Variants in ZNF704 observed in about 807,000 individuals in gnomAD.
ZNF704 encodes the protein zinc finger protein 704.
Under a neutral mutation model 44.7 loss-of-function variants are expected in ZNF704, and 10 were observed. That is an observed-to-expected ratio of 0.22 (90% CI 0.14 to 0.38). The LOEUF (loss-of-function observed/expected upper bound fraction) is 0.38. Among genes scored for constraint, ZNF704 ranks in the 10% least tolerant of loss-of-function variants. The pLI is 1.00. For missense variants in ZNF704, 390 were observed against 545.5 expected (o/e 0.71, Z 2.84); for synonymous variants, 211 against 207.6 (o/e 1.02, Z -0.14).
chr8:80,869,550 G>C (rs1287346182), intron 1 of ZNF704, among the ~76,000 whole-genome samples: 1 of 152,104 alleles, frequency 6.6e-6, no homozygotes, highest in Non-Finnish European at 1.5e-5. Flanking sequence ...GTTCCCAAAG[G>C]CCAGCCCTTT....
At chr8:80,841,288 G>C (rs1024835106) in intron 1 of ZNF704, among the ~76,000 whole-genome samples, 9 of 152,170 alleles carry the variant, frequency 5.9e-5, no homozygotes, top group Non-Finnish European at 7.3e-5. Context: ...TCTAGCTACA[G>C]GGCATTCTAG....
At chr8:80,714,855 T>C (rs975313540) in intron 2 of ZNF704, among the ~76,000 whole-genome samples, 7 of 152,176 alleles carry the variant, frequency 4.6e-5, no homozygotes, top group African/African-American at 1.4e-4. Flanking sequence ...AATATTTTGT[T>C]TGGCACAAAA....
intron 1 of ZNF704, among the ~76,000 whole-genome samples, chr8:80,869,767 G>A (rs767400419): frequency 1.3e-5 from 2 of 152,194 alleles, no homozygotes; most frequent in Non-Finnish European, 2.9e-5. Flanking sequence ...CCAAGTTTCT[G>A]GCCTATTCCT....
At chr8:80,709,524 G>A (rs1818951631) in intron 2 of ZNF704, among the ~76,000 whole-genome samples, 1 of 150,132 alleles carries the variant, frequency 6.7e-6, no homozygotes. Context: ...CACCAAGACA[G>A]GATCAGTTCT....
chr8:80,757,140 T>C (rs1000334616), intron 2 of ZNF704, among the ~76,000 whole-genome samples: 2 of 152,182 alleles, frequency 1.3e-5, no homozygotes, highest in Non-Finnish European at 2.9e-5. Context: ...CTGAGGCAGG[T>C]CCTTTAGAGG....
In ZNF704 at chr8:80,794,165, T is replaced by C. The variant is rs952275233; in HGVS notation, c.221+27209A>G. Among the ~76,000 whole-genome samples the C allele has an allele frequency of 2.0e-5, 3 of 152,214 alleles. No individual in the cohort carries two copies. The East Asian group carries it at 5.8e-4, about 29-fold the overall frequency. ...GCAATGAAACTATGAATAAACGAGA[T>C]GTATATATAACCATAGAGGAAGAGA... On this transcript the variant is annotated intron_variant, in intron 2 of 8. Coordinates refer to ENST00000327835, the MANE Select transcript of ZNF704 (RefSeq NM_001033723.3).
At chr8:80,831,790 T>C (rs2129928925) in intron 1 of ZNF704, among the ~76,000 whole-genome samples, 1 of 152,276 alleles carries the variant, frequency 6.6e-6, no homozygotes, top group Middle Eastern at 3.4e-3. Flanking sequence ...GAACACAACA[T>C]AGGTAAGAAA....
chr8:80,811,603 G>A (rs996961767), intron 2 of ZNF704, among the ~76,000 whole-genome samples: 6 of 152,120 alleles, frequency 3.9e-5, no homozygotes, highest in African/African-American at 7.2e-5. Flanking sequence ...AGTGGCTATC[G>A]AAAATACCAC....
At chr8:80,808,849 C>T (rs1421856388) in intron 2 of ZNF704, among the ~76,000 whole-genome samples, 1 of 152,196 alleles carries the variant, frequency 6.6e-6, no homozygotes, top group East Asian at 1.9e-4. Flanking sequence ...TCACAGTCAC[C>T]AGTGTTCAAG....
intron 6 of ZNF704, among the ~76,000 whole-genome samples, chr8:80,663,920 G>T (rs1818143179): frequency 6.6e-6 from 1 of 150,788 alleles, no homozygotes; most frequent in Non-Finnish European, 1.5e-5. Context: ...TGTAGATATG[G>T]GGGTCTCACC....
chr8:80,762,300 T>G (rs1255278871), intron 2 of ZNF704, among the ~76,000 whole-genome samples: 1 of 152,158 alleles, frequency 6.6e-6, no homozygotes, highest in Non-Finnish European at 1.5e-5. Flanking sequence ...CAAAGAAATA[T>G]CTGAGACTAG....
intron 2 of ZNF704, among the ~76,000 whole-genome samples, chr8:80,790,899 G>A (rs1281407875): frequency 6.6e-6 from 1 of 152,158 alleles, no homozygotes; most frequent in Non-Finnish European, 1.5e-5. Flanking sequence ...AAAAATTCAG[G>A]TGAGAGACCC....
At chr8:80,709,271 C>T (rs542814968) in intron 2 of ZNF704, among the ~76,000 whole-genome samples, 102 of 151,584 alleles carry the variant, frequency 6.7e-4, no homozygotes, top group African/African-American at 2.1e-3. Flanking sequence ...GGTGAAACCC[C>T]GTCTCTATTA....
At chr8:80,656,185 TTCTC>T (rs1241551931) in intron 7 of ZNF704, among the ~76,000 whole-genome samples, 3 of 151,670 alleles carry the variant, frequency 2.0e-5, no homozygotes, top group East Asian at 3.9e-4. Flanking sequence ...CTCTCTCGAT[TTCTC>T]TCTCTCTCTC....
At chr8:80,680,363 AT>A (rs61050547) in intron 4 of ZNF704, among the ~76,000 whole-genome samples, 14,984 of 141,806 alleles carry the variant, frequency 0.11, 2,333 homozygotes, top group African/African-American at 0.34. Context: ...ATCTTCAGGT[AT>A]TTTTTTTTTT....
intron 1 of ZNF704, among the ~76,000 whole-genome samples, chr8:80,855,659 T>C (rs1239646972): frequency 2.6e-5 from 4 of 152,208 alleles, no homozygotes; most frequent in Middle Eastern, 3.2e-3. Context: ...GATTACTTAA[T>C]GGATACAATG....
Position 80,779,994 on chromosome 8 carries a change from T to C in ZNF704, c.221+41380A>G, listed in dbSNP as rs375540394. On this transcript the variant is annotated intron_variant, in intron 2 of 8. Transcript: ENST00000327835. Reference sequence around the variant, plus strand: ...CCCTAGTGGGAAGGAGCAGCAAAGCTCTCATGGGGAGGTAGGACCTCAGAT... The same window carrying C: ...CCCTAGTGGGAAGGAGCAGCAAAGCCCTCATGGGGAGGTAGGACCTCAGAT... 2.2e-4 allele frequency among the ~76,000 whole-genome samples: 33 copies of C among 152,164 alleles called. No homozygotes were observed. In the East Asian group the frequency reaches 4.4e-3, roughly 20 times the overall value.
At chr8:80,657,687 T>A (rs1435182848) in intron 7 of ZNF704, among the ~76,000 whole-genome samples, 2 of 143,402 alleles carry the variant, frequency 1.4e-5, no homozygotes, top group Non-Finnish European at 3.0e-5. Context: ...TGAGACCCTG[T>A]TTCAAGAAAA....
intron 2 of ZNF704, among the ~76,000 whole-genome samples, chr8:80,791,297 A>T (rs1479042790): frequency 6.6e-6 from 1 of 152,236 alleles, no homozygotes; most frequent in Non-Finnish European, 1.5e-5. Flanking sequence ...ATGCATGCAA[A>T]GGTGAGGTGG....
Sources: allele counts gnomAD v4.1 joint callset (sites outside exome capture counted in the v4.1 genomes callset), GRCh38; gene constraint gnomAD v4.1.1; transcripts MANE v1.5; gene names NCBI Gene and HGNC (gene_info 2026-07-23, HGNC 2026-07-21).